SOX5: variants seen among roughly 807,000 people sequenced by gnomAD.
SOX5 encodes the protein SRY-box transcription factor 5, also known as transcription factor SOX-5.
SOX5 carries 9 observed loss-of-function variants against 92.0 expected under a neutral mutation model. The observed-to-expected ratio is 0.10, with a 90% CI of 0.06 to 0.17. The LOEUF (loss-of-function observed/expected upper bound fraction) is 0.17. Ranked by LOEUF, SOX5 falls within the 10% of genes least tolerant of loss-of-function variation. The probability of loss-of-function intolerance (pLI) is 1.00; values close to 1 mark genes in which losing one functional copy is unlikely to be tolerated. For synonymous variants in SOX5, 344 were observed against 336.3 expected, an observed-to-expected ratio of 1.02 and a Z score of -0.25; for missense variants, 642 against 944.5, an observed-to-expected ratio of 0.68 and a Z score of 4.20.
chr12:23,955,809 A>G (rs1285033176), upstream of SOX5, among the ~76,000 whole-genome samples: 1 of 152,224 alleles, frequency 6.6e-6, no homozygotes, highest in African/African-American at 2.4e-5. Flanking sequence ...TCATACAAAT[A>G]AAAGTGCTCT....
chr12:23,683,389 T>C (rs1358357994), intron 6 of SOX5, among the ~76,000 whole-genome samples: 2 of 151,972 alleles, frequency 1.3e-5, no homozygotes, highest in Non-Finnish European at 2.9e-5. Context: ...GTTCATGTTC[T>C]TGAATTAATG....
chr12:23,740,992 T>A lies in SOX5; in HGVS notation c.616A>T (p.Ile206Phe). The A allele has an allele frequency of 6.2e-7, 1 of 1,611,518 alleles. No homozygotes were observed. Among genetic ancestry groups the A allele is most frequent in the Non-Finnish European group, 8.5e-7 (1 of 1,178,116 alleles). ...TCTCGGAGGCTGGTCAGCTGGTTGA[T>A]CATACCCATGAGTTGCCTTTCTTTC... is the stretch of plus-strand genomic sequence containing the variant. ...AEKERQLMGM[I>F]NQLTSLREQL... The change falls in exon 5 of 15, where the codon ATC (isoleucine) becomes TTC (phenylalanine). Residue 206 changes from isoleucine (I) to phenylalanine (F), a missense_variant. By Grantham distance (21) the Ile-to-Phe change is conservative (BLOSUM62 0). Transcript: ENST00000451604.
At chr12:23,739,469 T>G (rs2093718735) in intron 5 of SOX5, among the ~76,000 whole-genome samples, 1 of 152,200 alleles carries the variant, frequency 6.6e-6, no homozygotes, top group Non-Finnish European at 1.5e-5. Flanking sequence ...CAATTTGATA[T>G]TAGAACGATT....
chr12:23,988,817 G>A (rs1057100264), intron 4 of SOX5, among the ~76,000 whole-genome samples: 35 of 152,038 alleles, frequency 2.3e-4, no homozygotes, highest in African/African-American at 8.0e-4. Flanking sequence ...AGACTTAAGG[G>A]ATTAAGTTTT....
chr12:24,269,067 G>A (rs563484089), intron 3 of SOX5, among the ~76,000 whole-genome samples: 1 of 152,272 alleles, frequency 6.6e-6, no homozygotes, highest in Admixed American at 6.5e-5. Flanking sequence ...GTATATTGCA[G>A]GGTAATCTTT....
chr12:23,698,636 A>T (rs895284174), intron 6 of SOX5, among the ~76,000 whole-genome samples: 1 of 151,906 alleles, frequency 6.6e-6, no homozygotes. Context: ...GCCACTTTTG[A>T]TTATTTTTTC....
At chr12:24,468,023 G>A (rs1234653931) in intron 1 of SOX5, among the ~76,000 whole-genome samples, 6 of 152,148 alleles carry the variant, frequency 3.9e-5, no homozygotes, top group East Asian at 1.9e-4. Context: ...AATGGGCAAC[G>A]CTGTAGGCAA....
chr12:24,293,136 A>G (rs1946807176), intron 2 of SOX5, among the ~76,000 whole-genome samples: 1 of 152,330 alleles, frequency 6.6e-6, no homozygotes, highest in Non-Finnish European at 1.5e-5. Context: ...AACAAGATCT[A>G]TTTTCCTTTA....
chr12:23,737,129 G>C (rs897336912), intron 5 of SOX5, among the ~76,000 whole-genome samples: 1 of 152,004 alleles, frequency 6.6e-6, no homozygotes, highest in African/African-American at 2.4e-5. Context: ...AGAACTTTAA[G>C]AATACTTCAG....
intron 1 of SOX5, among the ~76,000 whole-genome samples, chr12:23,946,229 T>C (rs1306513206): frequency 2.0e-5 from 3 of 152,122 alleles, no homozygotes; most frequent in Non-Finnish European, 2.9e-5. Flanking sequence ...AAATAGGTGA[T>C]ACTAACAACC....
Position 23,805,981 on chromosome 12 carries a change from C to A in SOX5, c.481+40002G>T, listed in dbSNP as rs1013119847. Among the ~76,000 whole-genome samples the A allele has an allele frequency of 9.8e-4, 149 of 152,102 alleles. 5 individuals carry two copies. Among genetic ancestry groups the A allele is most frequent in the Admixed American group, 9.7e-3 (148 of 15,256 alleles). On this transcript the variant is annotated intron_variant, in intron 3 of 14. Coordinates refer to ENST00000451604, the MANE Select transcript of SOX5 (RefSeq NM_006940.6). ...GACAGAATACATACTTAGGTTATAT[C>A]AAATATTATTTCAATTTATAAAATT...
At chr12:24,453,024 T>C (rs1410760727) in intron 1 of SOX5, among the ~76,000 whole-genome samples, 3 of 152,198 alleles carry the variant, frequency 2.0e-5, no homozygotes, top group Non-Finnish European at 4.4e-5. Flanking sequence ...TTCCTTTGCA[T>C]TTAAAGTACC....
chr12:23,800,368 C>T (rs897861429), intron 3 of SOX5, among the ~76,000 whole-genome samples: 1 of 151,824 alleles, frequency 6.6e-6, no homozygotes, highest in Admixed American at 6.6e-5. Flanking sequence ...AACCCAATAC[C>T]CAAACACACT....
intron 13 of SOX5, among the ~76,000 whole-genome samples, chr12:23,540,484 A>G (rs1218230421): frequency 6.6e-6 from 1 of 151,966 alleles, no homozygotes; most frequent in East Asian, 1.9e-4. Flanking sequence ...TGCTCAAAAT[A>G]GGGGAAAAAA....
chr12:24,248,783 T>G (rs1028842495), intron 3 of SOX5, among the ~76,000 whole-genome samples: 1 of 152,220 alleles, frequency 6.6e-6, no homozygotes, highest in Non-Finnish European at 1.5e-5. Flanking sequence ...TCTCTCTCTC[T>G]GTATAAGCCT....
intron 2 of SOX5, among the ~76,000 whole-genome samples, chr12:24,306,116 G>A (rs1430157526): frequency 6.6e-6 from 1 of 152,148 alleles, no homozygotes; most frequent in Non-Finnish European, 1.5e-5. Context: ...GTCAGACTGA[G>A]TCCCACACCC....
At chr12:23,882,251 T>G (rs2097001264) in intron 2 of SOX5, among the ~76,000 whole-genome samples, 1 of 151,894 alleles carries the variant, frequency 6.6e-6, no homozygotes, top group Non-Finnish European at 1.5e-5. Flanking sequence ...ATCAAAGGCC[T>G]AAAAAGCAAT....
At chr12:24,045,726 G>C (rs1390541684) in intron 4 of SOX5, among the ~76,000 whole-genome samples, 6 of 152,198 alleles carry the variant, frequency 3.9e-5, no homozygotes, top group African/African-American at 1.4e-4. Context: ...GCAGAAACCA[G>C]TATGTATGGT....
chr12:23,644,590 T>A (rs1398191437), intron 7 of SOX5, among the ~76,000 whole-genome samples: 1 of 152,120 alleles, frequency 6.6e-6, no homozygotes, highest in Non-Finnish European at 1.5e-5. Context: ...CAAGCAAACT[T>A]TATAAGAAGG....
Sources: gnomAD v4.1 joint callset for allele counts (sites outside exome capture counted in the v4.1 genomes callset) on GRCh38, gnomAD v4.1.1 for gene constraint, MANE v1.5 for transcripts, NCBI Gene and HGNC (gene_info 2026-07-23, HGNC 2026-07-21) for gene names.